The following FGF12 variants were observed in gnomAD, a reference collection of about 807,000 sequenced individuals.
The protein encoded by FGF12 is fibroblast growth factor 12B.
FGF12 carries 14 observed loss-of-function variants against 23.6 expected under a neutral mutation model. The observed-to-expected ratio is 0.59, with a 90% confidence interval of 0.39 to 0.93. The LOEUF is 0.93. FGF12 is among the 40% of genes least tolerant of loss of function. The pLI, the probability that FGF12 is intolerant of heterozygous loss-of-function variation, is 0.00. For missense variants in FGF12, 175 were observed against 217.8 expected, an observed-to-expected ratio of 0.80 and a Z score of 1.24; for synonymous variants, 62 against 77.3, an observed-to-expected ratio of 0.80 and a Z score of 1.04.
At chr3:192,291,371 A>G (rs937463770) in intron 4 of FGF12, among the ~76,000 whole-genome samples, 11 of 152,108 alleles carry the variant, frequency 7.2e-5, no homozygotes, top group African/African-American at 2.2e-4. Flanking sequence ...ACTTGAAACC[A>G]GGAGTTTAAG....
At chr3:192,486,316 A>C (rs1380406305) in intron 2 of FGF12, among the ~76,000 whole-genome samples, 3 of 151,220 alleles carry the variant, frequency 2.0e-5, no homozygotes, top group Non-Finnish European at 2.9e-5. Flanking sequence ...TTTTTTTTTT[A>C]ATTCAAATTG....
intron 3 of FGF12, among the ~76,000 whole-genome samples, chr3:192,337,090 T>G (rs940679702): frequency 6.6e-6 from 1 of 152,096 alleles, no homozygotes; most frequent in African/African-American, 2.4e-5. Flanking sequence ...CTGAAACAAC[T>G]TAAGAAATAC....
intron 2 of FGF12, among the ~76,000 whole-genome samples, chr3:192,457,118 C>T (rs1007886381): frequency 1.3e-5 from 2 of 152,210 alleles, no homozygotes; most frequent in Non-Finnish European, 2.9e-5. Context: ...TACCTTTCAC[C>T]TCCCACCATG....
chr3:192,325,596 C>T (rs1157963901), intron 4 of FGF12, among the ~76,000 whole-genome samples: 1 of 152,078 alleles, frequency 6.6e-6, no homozygotes, highest in Non-Finnish European at 1.5e-5. Flanking sequence ...TGAGAAAGTA[C>T]GTTGATAAGG....
intron 2 of FGF12, among the ~76,000 whole-genome samples, chr3:192,723,886 A>T (rs529430803): frequency 1.2e-3 from 156 of 129,848 alleles, no homozygotes; most frequent in Non-Finnish European, 2.0e-3. Flanking sequence ...AGAGGAGAGG[A>T]GAGGAGAGGA....
intron 4 of FGF12, among the ~76,000 whole-genome samples, chr3:192,224,505 C>A (rs1300305046): frequency 6.6e-6 from 1 of 151,968 alleles, no homozygotes; most frequent in African/African-American, 2.4e-5. Context: ...ATAGAAAAAT[C>A]TGTTCTGGGA....
chr3:192,615,308 C>T lies in FGF12; in HGVS notation c.13+111873G>A, dbSNP rs562317916. ...TATTCTATTAGAAGATGAAAAGATTCGAAATTCTCCCTTCTCTATAATTAT... is the reference window on the plus strand; with the variant it reads ...TATTCTATTAGAAGATGAAAAGATTTGAAATTCTCCCTTCTCTATAATTAT... On this transcript the variant is annotated intron_variant, in intron 2 of 5. Coordinates refer to ENST00000445105, the MANE Select transcript of FGF12 (RefSeq NM_004113.6). Among the ~76,000 whole-genome samples the T allele has an allele frequency of 6.6e-5, 10 of 151,918 alleles. No individual in the cohort carries two copies. The South Asian group carries it at 1.2e-3, about 19-fold the overall frequency.
rs577749341 is a variant in FGF12, at chr3:192,367,190, G to T, written c.14-6652C>A. Among the ~76,000 whole-genome samples the T allele has an allele frequency of 5.9e-5, 9 of 152,292 alleles. No individual in the cohort carries two copies. In the East Asian group the frequency reaches 1.7e-3, roughly 29 times the overall value. On this transcript the variant is annotated intron_variant, in intron 2 of 5. Coordinates refer to ENST00000445105, the MANE Select transcript of FGF12 (RefSeq NM_004113.6). ...TTTCACTTTTCTGTTTCCTTAGTCG[G>T]TGCTTAAGACAGGGAATTAAAAAGA...
chr3:192,251,254 C>T (rs935836408), intron 4 of FGF12, among the ~76,000 whole-genome samples: 3 of 152,130 alleles, frequency 2.0e-5, no homozygotes, highest in Middle Eastern at 3.2e-3. Flanking sequence ...GCAGGGAGTG[C>T]GCCATGAAAA....
intron 2 of FGF12, among the ~76,000 whole-genome samples, chr3:192,474,856 G>C (rs2108815640): frequency 6.9e-6 from 1 of 144,854 alleles, no homozygotes; most frequent in South Asian, 2.2e-4. Flanking sequence ...TTGTACTCTA[G>C]ACTGGGAAAC....
Position 192,547,684 on chromosome 3 carries a change from G to A in FGF12, c.13+179497C>T, listed in dbSNP as rs544030966. On this transcript the variant is annotated intron_variant, in intron 2 of 5. Transcript: ENST00000445105. ...ACTGAATCCAAAACCAACAGGAAGCGTTCTCCAACCTGTTCTTAAAAATAC... is the reference window on the plus strand; with the variant it reads ...ACTGAATCCAAAACCAACAGGAAGCATTCTCCAACCTGTTCTTAAAAATAC... Among the ~76,000 whole-genome samples, 79 of 152,274 alleles carry A rather than the reference G, an allele frequency of 5.2e-4. No homozygotes were observed. The South Asian group carries it at 6.0e-3, about 12-fold the overall frequency.
intron 2 of FGF12, among the ~76,000 whole-genome samples, chr3:192,718,773 T>C (rs1427293138): frequency 6.6e-6 from 1 of 152,192 alleles, no homozygotes; most frequent in African/African-American, 2.4e-5. Context: ...TCAATAAAGT[T>C]ATAAATCCAA....
intron 2 of FGF12, among the ~76,000 whole-genome samples, chr3:192,617,179 A>G (rs1714788841): frequency 6.6e-6 from 1 of 152,114 alleles, no homozygotes; most frequent in Non-Finnish European, 1.5e-5. Flanking sequence ...CTTGGCACCA[A>G]CTGATTTCTA....
chr3:192,444,545 A>G (rs1722294432), intron 2 of FGF12, among the ~76,000 whole-genome samples: 1 of 152,172 alleles, frequency 6.6e-6, no homozygotes, highest in Admixed American at 6.5e-5. Flanking sequence ...GTGGGGAAAA[A>G]AGCAGAGTAT....
At chr3:192,430,444 C>T (rs1455824810) in intron 2 of FGF12, among the ~76,000 whole-genome samples, 2 of 152,042 alleles carry the variant, frequency 1.3e-5, no homozygotes, top group East Asian at 1.9e-4. Context: ...CATTGCACAG[C>T]GGTGTACTTA....
chr3:192,213,631 C>T (rs1214519911), intron 4 of FGF12, among the ~76,000 whole-genome samples: 2 of 152,176 alleles, frequency 1.3e-5, no homozygotes, highest in African/African-American at 4.8e-5. Flanking sequence ...TCTCATTTTA[C>T]TTCATTTTAA....
chr3:192,154,786 C>G (rs1181603739), intron 5 of FGF12, among the ~76,000 whole-genome samples: 3 of 146,762 alleles, frequency 2.0e-5, no homozygotes, highest in Non-Finnish European at 4.5e-5. Flanking sequence ...TGCCCTGCCC[C>G]CAGAGGTGGA....
intron 2 of FGF12, among the ~76,000 whole-genome samples, chr3:192,492,299 T>C (rs1262252237): frequency 6.6e-6 from 1 of 152,168 alleles, no homozygotes; most frequent in Admixed American, 6.6e-5. Context: ...TTCATTCATG[T>C]TTCTAACAAA....
chr3:192,385,070 A>G (rs1484087499), intron 2 of FGF12, among the ~76,000 whole-genome samples: 3 of 152,194 alleles, frequency 2.0e-5, no homozygotes, highest in African/African-American at 4.8e-5. Flanking sequence ...AAGCAGGTAC[A>G]TAGACTCGGT....
Sources: gnomAD v4.1 joint callset for allele counts (sites outside exome capture counted in the v4.1 genomes callset) on GRCh38, gnomAD v4.1.1 for gene constraint, MANE v1.5 for transcripts, NCBI Gene and HGNC (gene_info 2026-07-23, HGNC 2026-07-21) for gene names.